The following NUDCD1 variants were observed in gnomAD, a reference collection of about 807,000 sequenced individuals.
The protein encoded by NUDCD1 is NudC domain containing 1.
NUDCD1 carries 60 observed loss-of-function variants against 67.8 expected under a neutral mutation model. The ratio of observed to expected loss-of-function variants is 0.88; its 90% CI spans 0.72 to 1.10. The LOEUF is 1.10. NUDCD1 is among the 50% of genes least tolerant of loss of function. The probability of loss-of-function intolerance (pLI) is 0.00; values close to 1 mark genes in which losing one functional copy is unlikely to be tolerated. For missense variants in NUDCD1, 643 were observed against 695.0 expected, an observed-to-expected ratio of 0.93 and a Z score of 0.84; for synonymous variants, 244 against 230.8, an observed-to-expected ratio of 1.06 and a Z score of -0.52.
intron 2 of NUDCD1, among the ~76,000 whole-genome samples, chr8:109,304,466 T>G (rs1815058647): frequency 6.6e-6 from 1 of 152,160 alleles, no homozygotes; most frequent in Non-Finnish European, 1.5e-5. Flanking sequence ...TCCACGTCTA[T>G]CCTTGAGGCT....
chr8:109,293,251 A>G (rs1003781216), intron 4 of NUDCD1, 93 bp downstream of exon 4: 1 of 626,392 alleles, frequency 1.6e-6, no homozygotes, highest in African/African-American at 1.9e-5. Flanking sequence ...AATGCCCAAG[A>G]AAGAGCAAAC....
Position 109,265,546 on chromosome 8 carries a change from G to A in NUDCD1, c.1299+5459C>T, listed in dbSNP as rs11993329. The stretch of plus-strand genomic sequence containing the variant: ...CATTAACTTAAAAGAATTATTTTCT[G>A]TTTGTAACTCTTCCTCCTGTCTTGA... On this transcript the variant is annotated intron_variant, in intron 8 of 9. Transcript: ENST00000239690. 6.0e-3 allele frequency among the ~76,000 whole-genome samples: 914 copies of A among 152,096 alleles called. 6 individuals are homozygous for A. Among genetic ancestry groups the A allele is most frequent in the African/African-American group, 0.021 (861 of 41,470 alleles).
intron 7 of NUDCD1, among the ~76,000 whole-genome samples, chr8:109,273,988 T>C (rs1385640839): frequency 6.6e-6 from 1 of 152,162 alleles, no homozygotes; most frequent in Non-Finnish European, 1.5e-5. Context: ...AAGACGGGCT[T>C]ATCCCACCAA....
Position 109,312,877 on chromosome 8 carries a change from C to G in NUDCD1, c.273+9432G>C, listed in dbSNP as rs1274197330. On this transcript the variant is annotated intron_variant, in intron 2 of 9. Coordinates refer to ENST00000239690, the MANE Select transcript of NUDCD1 (RefSeq NM_032869.4). Reference sequence around the variant, plus strand: ...AAAAAGCAGCACTTCACAGTAATATCTGAACACAGATAAAACATCAACACT... The same window carrying G: ...AAAAAGCAGCACTTCACAGTAATATGTGAACACAGATAAAACATCAACACT... Among the ~76,000 whole-genome samples, 5 of 152,192 alleles carry G rather than the reference C, an allele frequency of 3.3e-5. No homozygotes were observed. The South Asian group carries it at 1.0e-3, about 32-fold the overall frequency.
At chr8:109,296,614 A>G (rs771139673) in intron 2 of NUDCD1, 45 bp from the exon 3 acceptor site, 1 of 1,242,062 alleles carries the variant, frequency 8.1e-7, no homozygotes, top group Non-Finnish European at 1.1e-6. Context: ...CTCTTCACTG[A>G]TCCACACACA....
At chr8:109,266,903 A>G (rs1213007483) in intron 8 of NUDCD1, among the ~76,000 whole-genome samples, 1 of 152,148 alleles carries the variant, frequency 6.6e-6, no homozygotes, top group Non-Finnish European at 1.5e-5. Flanking sequence ...TAAAGGAAAC[A>G]TATTTTGGGA....
chr8:109,300,496 G>C (rs1814961011), intron 2 of NUDCD1, among the ~76,000 whole-genome samples: 2 of 152,000 alleles, frequency 1.3e-5, no homozygotes, highest in South Asian at 4.1e-4. Context: ...GTAGAAGAAA[G>C]AAATTCAGAG....
intron 6 of NUDCD1, among the ~76,000 whole-genome samples, chr8:109,279,043 T>C (rs1814367104): frequency 6.6e-6 from 1 of 152,096 alleles, no homozygotes. Context: ...GCTGAGTGAC[T>C]GTGCCACTGC....
At position 109,271,079 on chromosome 8, in the gene NUDCD1, C is replaced by T; in HGVS notation, c.1225G>A (p.Glu409Lys). The change falls in exon 8 of 10, where the codon GAA (glutamate) becomes AAA (lysine). Residue 409 changes from glutamate to lysine, a missense_variant. Physicochemically the swap from Glu to Lys is moderately conservative, Grantham distance 56 (BLOSUM62 1). Transcript: ENST00000239690. ...CTCTCTTCAAAGAAAATATCACATT[C>T]TTCTAACTCTTGAGCATTGCAAGGT... ...KPPCNAQELE[E>K]CDIFFEESSS... The T allele has an allele frequency of 1.3e-6, 2 of 1,593,928 alleles. No individual in the cohort carries two copies. Among genetic ancestry groups the T allele is most frequent in the South Asian group, 1.1e-5 (1 of 89,352 alleles).
In NUDCD1 at chr8:109,243,185, T is replaced by A. The variant is rs201817819; in HGVS notation, c.1576A>T (p.Met526Leu). The change falls in exon 10 of 10, where the codon ATG becomes TTG. Residue 526 changes from methionine (M) to leucine (L), a missense_variant. By Grantham distance (15) the Met-to-Leu change is conservative (BLOSUM62 2). Coordinates refer to ENST00000239690, the MANE Select transcript of NUDCD1 (RefSeq NM_032869.4). Reference protein sequence around the residue: ...RVFIYRQPAPMSTVLYNRKEG... With the variant: ...RVFIYRQPAPLSTVLYNRKEG... Reference sequence around the variant, plus strand: ...TTTCTGTTGTAAAGTACAGTGGACATGGGAGCAGGCTGACGATAGATGAAT... The same window carrying A: ...TTTCTGTTGTAAAGTACAGTGGACAAGGGAGCAGGCTGACGATAGATGAAT... 233 of 1,613,738 alleles carry A rather than the reference T, an allele frequency of 1.4e-4. No individual in the cohort carries two copies. Among genetic ancestry groups the A allele is most frequent in the Non-Finnish European group, 1.8e-4 (215 of 1,179,828 alleles).
intron 5 of NUDCD1, among the ~76,000 whole-genome samples, chr8:109,285,108 A>C (rs1814543931): frequency 6.6e-6 from 1 of 152,214 alleles, no homozygotes; most frequent in Non-Finnish European, 1.5e-5. Flanking sequence ...CCAAGACTGA[A>C]TCAGAAAGCA....
chr8:109,262,541 C>A, intron 8 of NUDCD1, among the ~76,000 whole-genome samples: 1 of 152,184 alleles, frequency 6.6e-6, no homozygotes. Context: ...CAGAGCTCAC[C>A]TGCCCTGGTC....
intron 2 of NUDCD1, among the ~76,000 whole-genome samples, chr8:109,303,809 G>A (rs746215541): frequency 6.6e-6 from 1 of 151,980 alleles, no homozygotes; most frequent in Non-Finnish European, 1.5e-5. Context: ...CCATCCTACA[G>A]CACACTTTAA....
At chr8:109,328,699 C>T (rs1815736442) in intron 1 of NUDCD1, among the ~76,000 whole-genome samples, 1 of 152,274 alleles carries the variant, frequency 6.6e-6, no homozygotes, top group African/African-American at 2.4e-5. Flanking sequence ...AGCACTGCTC[C>T]TGATCGGACT....
intron 2 of NUDCD1, among the ~76,000 whole-genome samples, chr8:109,302,617 C>T (rs1323351598): frequency 3.3e-5 from 5 of 152,192 alleles, no homozygotes; most frequent in Non-Finnish European, 5.9e-5. Flanking sequence ...CCCTCCCCCA[C>T]CTGCCCAACG....
rs543060710 is a variant in NUDCD1 at position 109,307,132 on chromosome 8, G to A, written c.274-10563C>T. ...ACAACTGAAGATCCACAAAAGAAGT[G>A]AAAATAGCCTTAACTGATGACATTC... On this transcript the variant is annotated intron_variant, in intron 2 of 9. Coordinates refer to ENST00000239690, the MANE Select transcript of NUDCD1 (RefSeq NM_032869.4). 5.3e-4 allele frequency among the ~76,000 whole-genome samples: 81 copies of A among 152,270 alleles called. 1 individual carries two copies. In the East Asian group the frequency reaches 0.015, roughly 28 times the overall value.
intron 8 of NUDCD1, among the ~76,000 whole-genome samples, chr8:109,262,294 G>C (rs902458503): frequency 3.9e-5 from 6 of 152,204 alleles, no homozygotes; most frequent in African/African-American, 1.4e-4. Flanking sequence ...TGGCTGAAGT[G>C]CTCAAAGTTA....
In NUDCD1 at chr8:109,281,086, T is replaced by C. The variant is rs774552567; in HGVS notation, c.910A>G (p.Ile304Val). The change falls in exon 6 of 10, where the codon ATA becomes GTA. Residue 304 changes from isoleucine to valine, a missense_variant. Physicochemically the swap from Ile to Val is conservative, Grantham distance 29. Transcript: ENST00000239690. ...PEDSTKEDIQ[I>V]QFLPDHINIV... is the part of the protein sequence containing the mutation. ...TTGATGTGATCAGGCAAAAACTGTA[T>C]TTGAATGTCCTCCTTAGTACTGTCT... 1 of 1,613,220 alleles carries C rather than the reference T, an allele frequency of 6.2e-7. No homozygotes were observed. The highest frequency in any genetic ancestry group is 1.3e-5 in the African/African-American group (1 of 74,910).
chr8:109,272,129 A>G (rs564178603), intron 7 of NUDCD1, among the ~76,000 whole-genome samples: 73 of 152,234 alleles, frequency 4.8e-4, no homozygotes, highest in African/African-American at 1.7e-3. Context: ...AAAGGCAAAT[A>G]TAAGAGTAAA....
Sources: gnomAD v4.1 joint callset for allele counts (sites outside exome capture counted in the v4.1 genomes callset) on GRCh38, gnomAD v4.1.1 for gene constraint, MANE v1.5 for transcripts, NCBI Gene and HGNC (gene_info 2026-07-23, HGNC 2026-07-21) for gene names.